The following KCNK10 variants were observed in gnomAD, a reference collection of about 807,000 sequenced individuals.
KCNK10 encodes the protein potassium channel subfamily K member 10.
In KCNK10, 25 loss-of-function variants were observed where a neutral mutation model predicts 47.7. That is an observed-to-expected ratio of 0.52 (90% confidence interval 0.38 to 0.73). KCNK10 has a LOEUF of 0.73. Ranked by LOEUF, KCNK10 falls within the 30% of genes least tolerant of loss-of-function variation. The pLI is 0.00. For missense variants in KCNK10, 563 were observed against 714.5 expected, an observed-to-expected ratio of 0.79 and a Z score of 2.42; for synonymous variants, 303 against 285.6, an observed-to-expected ratio of 1.06 and a Z score of -0.61.
intron 1 of KCNK10, among the ~76,000 whole-genome samples, chr14:88,281,141 A>G (rs1412499753): frequency 2.0e-5 from 3 of 152,048 alleles, no homozygotes; most frequent in Non-Finnish European, 4.4e-5. Context: ...TCCAGTTTCC[A>G]TTCAGTTTCC....
chr14:88,196,543 A>G (rs1014467184), intron 4 of KCNK10, among the ~76,000 whole-genome samples: 3 of 152,162 alleles, frequency 2.0e-5, no homozygotes, highest in South Asian at 2.1e-4. Context: ...CATTGTTTGC[A>G]TCTTTATGTA....
At chr14:88,225,610 A>G (rs191225891) in intron 4 of KCNK10, among the ~76,000 whole-genome samples, 1 of 152,244 alleles carries the variant, frequency 6.6e-6, no homozygotes, top group South Asian at 2.1e-4. Flanking sequence ...TTTTTCTGCT[A>G]AGGAGGATTT....
chr14:88,211,200 T>C (rs567101496), intron 4 of KCNK10, among the ~76,000 whole-genome samples: 4 of 152,324 alleles, frequency 2.6e-5, no homozygotes, highest in South Asian at 2.1e-4. Flanking sequence ...CTGACACATG[T>C]GCAATATTCA....
chr14:88,289,505 G>A (rs537425659), intron 1 of KCNK10, among the ~76,000 whole-genome samples: 150 of 152,328 alleles, frequency 9.8e-4, no homozygotes, highest in African/African-American at 3.5e-3. Context: ...GGCAGGAATG[G>A]GAGCAATGTT....
At chr14:88,301,289 T>C (rs1888091652) in intron 1 of KCNK10, among the ~76,000 whole-genome samples, 1 of 152,136 alleles carries the variant, frequency 6.6e-6, no homozygotes, top group African/African-American at 2.4e-5. Flanking sequence ...TCATCATCAT[T>C]ATCATTATCT....
chr14:88,311,616 A>G (rs1164320000), intron 1 of KCNK10, among the ~76,000 whole-genome samples: 1 of 152,248 alleles, frequency 6.6e-6, no homozygotes, highest in Non-Finnish European at 1.5e-5. Context: ...TGTTATGCCC[A>G]GCTGTAAATA....
At chr14:88,278,113 C>T (rs535648646) in intron 1 of KCNK10, among the ~76,000 whole-genome samples, 38 of 152,228 alleles carry the variant, frequency 2.5e-4, no homozygotes, top group Non-Finnish European at 4.6e-4. Context: ...TGAGAGCTGG[C>T]GGTATCTTCA....
chr14:88,265,884 A>G (rs1273459233), intron 1 of KCNK10, among the ~76,000 whole-genome samples: 2 of 152,164 alleles, frequency 1.3e-5, no homozygotes, highest in African/African-American at 4.8e-5. Flanking sequence ...ACCCTCCACC[A>G]TGATTGTGAG....
chr14:88,223,511 C>G (rs192957829), intron 4 of KCNK10, among the ~76,000 whole-genome samples: 11 of 152,252 alleles, frequency 7.2e-5, no homozygotes, highest in Admixed American at 2.0e-4. Context: ...GTCCCTGGAA[C>G]TGAGTGCAGT....
chr14:88,286,008 T>C (rs1887751852), intron 1 of KCNK10, among the ~76,000 whole-genome samples: 1 of 152,118 alleles, frequency 6.6e-6, no homozygotes, highest in Non-Finnish European at 1.5e-5. Context: ...GGATGCTCAC[T>C]CTTAGGATCC....
chr14:88,244,549 T>C (rs1176938620), intron 2 of KCNK10, among the ~76,000 whole-genome samples: 5 of 151,968 alleles, frequency 3.3e-5, no homozygotes, highest in African/African-American at 1.2e-4. Flanking sequence ...GGCGCTGTAG[T>C]CCCAGCTACT....
At chr14:88,198,097 C>T (rs1180905123) in intron 4 of KCNK10, among the ~76,000 whole-genome samples, 1 of 152,150 alleles carries the variant, frequency 6.6e-6, no homozygotes. Context: ...TAATAACATT[C>T]TTGTAGCTCT....
chr14:88,250,822 C>T (rs888454762), intron 2 of KCNK10, among the ~76,000 whole-genome samples: 3 of 151,950 alleles, frequency 2.0e-5, no homozygotes, highest in Admixed American at 6.5e-5. Context: ...ATACAGGAGG[C>T]GGATCCAGAG....
chr14:88,209,698 C>T (rs1048887228), intron 4 of KCNK10, among the ~76,000 whole-genome samples: 3 of 152,216 alleles, frequency 2.0e-5, no homozygotes, highest in Non-Finnish European at 2.9e-5. Flanking sequence ...CAGCCCCACC[C>T]ACCTCCATGC....
intron 1 of KCNK10, among the ~76,000 whole-genome samples, chr14:88,296,491 A>G (rs1887986350): frequency 6.6e-6 from 1 of 152,088 alleles, no homozygotes; most frequent in African/African-American, 2.4e-5. Flanking sequence ...CATTAGGTAT[A>G]CACACCGAGC....
At chr14:88,226,638 G>A (rs1163431146) in intron 4 of KCNK10, among the ~76,000 whole-genome samples, 2 of 152,278 alleles carry the variant, frequency 1.3e-5, no homozygotes, top group South Asian at 2.1e-4. Context: ...GAGTTAAAGG[G>A]CATTGGGAAC....
chr14:88,306,446 C>A (rs1595131442), intron 1 of KCNK10, among the ~76,000 whole-genome samples: 1 of 152,062 alleles, frequency 6.6e-6, no homozygotes, highest in Non-Finnish European at 1.5e-5. Flanking sequence ...GAGAACAGAG[C>A]AGGACAAAAG....
In KCNK10 at chr14:88,200,551, A is replaced by G. The variant is rs116229670; in HGVS notation, c.682-8141T>C. Among the ~76,000 whole-genome samples the G allele has an allele frequency of 6.3e-3, 958 of 152,346 alleles. 8 individuals are homozygous for G. The highest frequency in any genetic ancestry group is 0.022 in the African/African-American group (918 of 41,584). On this transcript the variant is annotated intron_variant, in intron 4 of 6. Transcript: ENST00000319231. ...TAGACTAGGAACGAGAAGTTAGATA[A>G]GAAGGAAATACAGCTTTATAGAAAG...
chr14:88,187,871 C>A, intron 6 of KCNK10, 96 bp downstream of exon 6: 1 of 1,421,650 alleles, frequency 7.0e-7, no homozygotes. Flanking sequence ...CAAAACCGAG[C>A]CAGAAACACT....
Sources: allele counts gnomAD v4.1 joint callset (sites outside exome capture counted in the v4.1 genomes callset), GRCh38; gene constraint gnomAD v4.1.1; transcripts MANE v1.5; gene names NCBI Gene and HGNC (gene_info 2026-07-23, HGNC 2026-07-21).